Variants in KPNA7 observed in about 807,000 individuals in gnomAD.
KPNA7 encodes importin subunit alpha-8.
KPNA7 carries 54 observed loss-of-function variants against 53.7 expected under a neutral mutation model. The observed-to-expected ratio is 1.01, with a 90% CI of 0.81 to 1.26. KPNA7 has a LOEUF of 1.26. KPNA7 is among the 50% of genes most tolerant of loss of function. The pLI, the probability that KPNA7 is intolerant of heterozygous loss-of-function variation, is 0.00. For synonymous variants in KPNA7, 276 were observed against 259.3 expected, an observed-to-expected ratio of 1.06 and a Z score of -0.62; for missense variants, 640 against 644.5, an observed-to-expected ratio of 0.99 and a Z score of 0.07.
chr7:99,150,788 G>C, the KPNA7 span, among the ~76,000 whole-genome samples: 1 of 152,146 alleles, frequency 6.6e-6, no homozygotes, highest in Non-Finnish European at 1.5e-5. Flanking sequence ...CATAGTTCCT[G>C]CTGGCAAGGA....
At chr7:99,146,787 A>G in the KPNA7 span, among the ~76,000 whole-genome samples, 1 of 150,426 alleles carries the variant, frequency 6.6e-6, no homozygotes, top group Non-Finnish European at 1.5e-5. Context: ...GCTACCAGCC[A>G]TTATAGCTTA....
At chr7:99,167,021 T>G in the KPNA7 span, among the ~76,000 whole-genome samples, 41 of 152,332 alleles carry the variant, frequency 2.7e-4, no homozygotes, top group African/African-American at 8.9e-4. Context: ...GTCACATGTG[T>G]TTGGGAGATT....
chr7:99,219,124 G>A (rs890136520), intron 1 of KPNA7, among the ~76,000 whole-genome samples: 5 of 152,340 alleles, frequency 3.3e-5, no homozygotes, highest in South Asian at 2.1e-4. Flanking sequence ...TTTTGAGCCC[G>A]CCCCGGGCAA....
At chr7:99,185,220 A>G in intron 7 of KPNA7, 58 bp from the exon 8 acceptor site, 1 of 1,211,312 alleles carries the variant, frequency 8.3e-7, no homozygotes, top group Non-Finnish European at 1.2e-6. Flanking sequence ...AGAAGGCAAC[A>G]ATCACACCAA....
intron 6 of KPNA7, among the ~76,000 whole-genome samples, chr7:99,189,547 C>G (rs970326386): frequency 6.6e-6 from 1 of 152,216 alleles, no homozygotes; most frequent in Admixed American, 6.5e-5. Context: ...CATCATCACA[C>G]TTCTGTCTTT....
At position 99,203,238 on chromosome 7, in the gene KPNA7, C is replaced by T. The variant is rs1052010491; in HGVS notation, c.69G>A (p.Leu23=). The change falls in exon 3 of 11, where the codon CTG becomes CTA. Residue 23 remains leucine, a splice_region_variant and synonymous_variant. Transcript: ENST00000327442. ...TGACCGCCATCCTCTGCTGTCGCCT[C>T]AGCTAGTGAGGAAAAGAAATTGGAG... ...KFKYRGKDVS[L]RRQQRMAVSL... 1.3e-6 allele frequency: 2 copies of T among 1,550,194 alleles called. No individual in the cohort carries two copies. Among genetic ancestry groups the T allele is most frequent in the Admixed American group, 2.0e-5 (1 of 50,964 alleles).
chr7:99,147,958 A>C, the KPNA7 span, among the ~76,000 whole-genome samples: 2 of 151,978 alleles, frequency 1.3e-5, no homozygotes, highest in Non-Finnish European at 2.9e-5. Flanking sequence ...GCAAGGCTGC[A>C]GTGAGCTATG....
At chr7:99,202,981 C>CA in intron 3 of KPNA7, 125 bp downstream of exon 3, 1 of 1,159,684 alleles carries the variant, frequency 8.6e-7, no homozygotes, top group Non-Finnish European at 1.2e-6. Flanking sequence ...ATAATCTCTT[C>CA]ACTCCTTTCT....
chr7:99,152,391 AAAG>A, the KPNA7 span, among the ~76,000 whole-genome samples: 1 of 151,966 alleles, frequency 6.6e-6, no homozygotes, highest in Admixed American at 6.6e-5. Flanking sequence ...AAGGAAAGAA[AAAG>A]AAAAAAAAAA....
chr7:99,172,160 G>A (rs1310061413), downstream of KPNA7, among the ~76,000 whole-genome samples: 1 of 152,130 alleles, frequency 6.6e-6, no homozygotes. Context: ...TGCGAAGAAA[G>A]GGAGGTATAA....
At chr7:99,209,682 C>CAAAAAAAAAAAAA (rs60377276), upstream of KPNA7, among the ~76,000 whole-genome samples, 11 of 73,528 alleles carry the variant, frequency 1.5e-4, no homozygotes, top group African/African-American at 5.2e-4. Context: ...GACTCCAACT[C>CAAAAAAAAAAAAA]AAAAAAAAAA....
At chr7:99,192,933 G>T in intron 6 of KPNA7, 86 bp downstream of exon 6, 1 of 933,018 alleles carries the variant, frequency 1.1e-6, no homozygotes. Flanking sequence ...GACCAGCCTG[G>T]GCAGAATGGT....
intron 6 of KPNA7, among the ~76,000 whole-genome samples, chr7:99,191,456 C>T (rs751836418): frequency 5.9e-4 from 89 of 152,120 alleles, no homozygotes; most frequent in Non-Finnish European, 1.1e-3. Context: ...TATAATTCTA[C>T]GGCAGGCAAC....
At chr7:99,163,896 TAAAAAG>T in the KPNA7 span, among the ~76,000 whole-genome samples, 6 of 152,178 alleles carry the variant, frequency 3.9e-5, no homozygotes, top group Non-Finnish European at 5.9e-5. Flanking sequence ...TCTGGCTACT[TAAAAAG>T]AATTTCTCGA....
chr7:99,173,871 T>C (rs1798817090), intron 10 of KPNA7, 77 bp from the exon 11 acceptor site: 1 of 863,922 alleles, frequency 1.2e-6, no homozygotes, highest in Admixed American at 2.3e-5. Context: ...AAGATGCACC[T>C]TGTAACAAAA....
intron 6 of KPNA7, 67 bp downstream of exon 6, chr7:99,192,952 A>T (rs1340925606): frequency 1.1e-5 from 12 of 1,125,240 alleles, no homozygotes; most frequent in Middle Eastern, 5.8e-4. Flanking sequence ...GTGAGGCTCC[A>T]TCTCTATTAA....
chr7:99,196,922 A>AACCTCT (rs1265612648), intron 3 of KPNA7, among the ~76,000 whole-genome samples: 2 of 152,192 alleles, frequency 1.3e-5, no homozygotes, highest in Non-Finnish European at 2.9e-5. Flanking sequence ...GTTTAACTTC[A>AACCTCT]CAGCTACCTG....
chr7:99,207,265 C>G, intron 2 of KPNA7, 136 bp downstream of exon 2: 2 of 712,426 alleles, frequency 2.8e-6, no homozygotes, highest in Non-Finnish European at 5.0e-6. Context: ...AACCTCCTGA[C>G]CTTGTGATCT....
chr7:99,209,252 G>C (rs1347424008), upstream of KPNA7, among the ~76,000 whole-genome samples: 1 of 152,016 alleles, frequency 6.6e-6, no homozygotes, highest in Non-Finnish European at 1.5e-5. Context: ...GCTGCAACAG[G>C]AAAACCCCAC....
Sources: gnomAD v4.1 joint callset for allele counts (sites outside exome capture counted in the v4.1 genomes callset) on GRCh38, gnomAD v4.1.1 for gene constraint, MANE v1.5 for transcripts, NCBI Gene and HGNC (gene_info 2026-07-23, HGNC 2026-07-21) for gene names.